The following RNASEH2B variants were observed in gnomAD, a reference collection of about 807,000 sequenced individuals.
RNASEH2B encodes the protein Aicardi-Goutieres syndrome 2 protein.
A neutral mutation model predicts 45.0 loss-of-function variants in RNASEH2B; 36 were observed. The observed-to-expected ratio is 0.80, with a 90% CI of 0.61 to 1.06. The LOEUF is 1.06. Among genes scored for constraint, RNASEH2B ranks in the 50% least tolerant of loss-of-function variants. The pLI is 0.00. For synonymous variants in RNASEH2B, 119 were observed against 125.7 expected (o/e 0.95, Z 0.35); for missense variants, 361 against 360.3 (o/e 1.00, Z -0.02).
At chr13:50,967,488 T>C (rs1373499781) in intron 9 of RNASEH2B, among the ~76,000 whole-genome samples, 1 of 152,212 alleles carries the variant, frequency 6.6e-6, no homozygotes, top group Non-Finnish European at 1.5e-5. Flanking sequence ...AGGAGCCATA[T>C]GGCACAAAGG....
At chr13:50,932,323 G>A (rs1951690759) in intron 4 of RNASEH2B, among the ~76,000 whole-genome samples, 1 of 152,168 alleles carries the variant, frequency 6.6e-6, no homozygotes, top group Non-Finnish European at 1.5e-5. Context: ...AGCAGCCAAA[G>A]GCCTTTAGCC....
chr13:50,915,194 C>T, intron 1 of RNASEH2B: 1 of 381,578 alleles, frequency 2.6e-6, no homozygotes, highest in Non-Finnish European at 4.6e-6. Flanking sequence ...GTCTCACATT[C>T]CATTTCTTCC....
At chr13:50,952,927 A>ACCC (rs1441567361) in intron 9 of RNASEH2B, 10 of 152,256 alleles carry the variant, frequency 6.6e-5, no homozygotes, top group African/African-American at 2.4e-4. Context: ...TTATGGGATA[A>ACCC]AACACCATGG....
At chr13:50,921,242 G>A (rs1951520122) in intron 1 of RNASEH2B, 2 of 152,160 alleles carry the variant, frequency 1.3e-5, no homozygotes, top group Admixed American at 1.3e-4. Context: ...AGTGAGGAGA[G>A]GAGCTGAGAT....
chr13:50,950,187 A>T (rs1285202340), intron 9 of RNASEH2B: 1 of 152,292 alleles, frequency 6.6e-6, no homozygotes, highest in Non-Finnish European at 1.5e-5. Context: ...GGAAATAAAC[A>T]TGTGCACCAG....
intron 8 of RNASEH2B, chr13:50,948,369 G>T: frequency 3.9e-6 from 1 of 256,474 alleles, no homozygotes; most frequent in Non-Finnish European, 7.4e-6. Context: ...TTGGTTCTTT[G>T]TGATCGTTTT....
At chr13:50,930,812 T>C in intron 4 of RNASEH2B, 53 bp downstream of exon 4, 1 of 1,297,208 alleles carries the variant, frequency 7.7e-7, no homozygotes, top group Non-Finnish European at 1.1e-6. Flanking sequence ...CAACTATTTT[T>C]GTTTGATCTC....
chr13:50,947,207 A>G (rs1206342701), intron 7 of RNASEH2B, among the ~76,000 whole-genome samples: 2 of 152,160 alleles, frequency 1.3e-5, no homozygotes, highest in African/African-American at 4.8e-5. Context: ...CTTGTATTCT[A>G]CATAAAATAC....
intron 1 of RNASEH2B, among the ~76,000 whole-genome samples, chr13:50,925,682 A>T (rs1951585638): frequency 6.6e-6 from 1 of 152,196 alleles, no homozygotes; most frequent in Non-Finnish European, 1.5e-5. Flanking sequence ...AGTATGAGGT[A>T]CTGCTCCCTC....
chr13:50,945,580 C>CT (rs750888141), intron 7 of RNASEH2B, 48 bp downstream of exon 7: 2 of 1,272,048 alleles, frequency 1.6e-6, no homozygotes, highest in South Asian at 2.4e-5. Flanking sequence ...GAGTAAGTTG[C>CT]TTATGTGTAA....
At chr13:50,923,384 C>T (rs868547385) in intron 1 of RNASEH2B, among the ~76,000 whole-genome samples, 3 of 152,016 alleles carry the variant, frequency 2.0e-5, no homozygotes, top group Non-Finnish European at 4.4e-5. Flanking sequence ...GTGTGTGTGT[C>T]GTAGTCAAAC....
At chr13:50,953,725 C>T in intron 9 of RNASEH2B, 180 bp from the exon 10 acceptor site, 1 of 616,854 alleles carries the variant, frequency 1.6e-6, no homozygotes, top group South Asian at 2.0e-5. Context: ...TGATGTGTGG[C>T]TCAATTCCCT....
Position 50,913,730 on chromosome 13 carries a change from C to T in RNASEH2B, c.64+3590C>T, listed in dbSNP as rs146981209. 3.4e-3 allele frequency among the ~76,000 whole-genome samples: 518 copies of T among 152,264 alleles called. 7 individuals carry two copies. The highest frequency in any genetic ancestry group is 3.4e-3 in the Middle Eastern group (1 of 294). ...AAGATTGCACTTATTATTTATTTCT[C>T]CACAGAAAGCAGTTTCATGGAGGTA... On this transcript the variant is annotated intron_variant, in intron 1 of 10. Coordinates refer to ENST00000336617, the MANE Select transcript of RNASEH2B (RefSeq NM_024570.4).
rs569232583 is a variant in RNASEH2B at position 50,923,633 on chromosome 13, A to G, written c.65-3774A>G. The stretch of plus-strand genomic sequence containing the variant: ...AAGACATTCTCAGATAAAGGAAAAA[A>G]GAATGTGTCACTAGCAGACCTGTCC... On this transcript the variant is annotated intron_variant, in intron 1 of 10. Transcript: ENST00000336617. Among the ~76,000 whole-genome samples the G allele has an allele frequency of 2.6e-5, 4 of 152,358 alleles. No homozygotes were observed. The East Asian group carries it at 5.8e-4, about 22-fold the overall frequency.
chr13:50,911,288 CTTG>C (rs1436579629), intron 1 of RNASEH2B: 2 of 152,216 alleles, frequency 1.3e-5, no homozygotes, highest in Non-Finnish European at 2.9e-5. Flanking sequence ...AAGATTCATC[CTTG>C]TTGTGAAATT....
intron 4 of RNASEH2B, 55 bp from the exon 5 acceptor site, chr13:50,934,830 T>C (rs1951725582): frequency 8.1e-7 from 1 of 1,240,834 alleles, no homozygotes; most frequent in Non-Finnish European, 1.2e-6. Flanking sequence ...TTCTCTTTTT[T>C]TCTGAATGTC....
intron 3 of RNASEH2B, among the ~76,000 whole-genome samples, chr13:50,929,825 A>G (rs1333720475): frequency 6.6e-6 from 1 of 152,172 alleles, no homozygotes; most frequent in Non-Finnish European, 1.5e-5. Flanking sequence ...TTTGTCTCCT[A>G]AAACAGTGAC....
intron 5 of RNASEH2B, chr13:50,937,397 T>C (rs1041180386): frequency 6.6e-6 from 1 of 151,586 alleles, no homozygotes; most frequent in Non-Finnish European, 1.5e-5. Context: ...AATTTTTTCA[T>C]TTTTTTTGGA....
At chr13:50,925,645 A>T (rs1951585026) in intron 1 of RNASEH2B, among the ~76,000 whole-genome samples, 1 of 152,174 alleles carries the variant, frequency 6.6e-6, no homozygotes, top group African/African-American at 2.4e-5. Flanking sequence ...TCTGTCTGGG[A>T]GTAGGCACAA....
Sources: gnomAD v4.1 joint callset for allele counts (sites outside exome capture counted in the v4.1 genomes callset) on GRCh38, gnomAD v4.1.1 for gene constraint, MANE v1.5 for transcripts, NCBI Gene and HGNC (gene_info 2026-07-23, HGNC 2026-07-21) for gene names.